Variants in RABGAP1L observed in about 807,000 individuals in gnomAD.
RABGAP1L encodes rab GTPase-activating protein 1-like.
A neutral mutation model predicts 137.7 loss-of-function variants in RABGAP1L; 63 were observed. That is an observed-to-expected ratio of 0.46 (90% confidence interval 0.37 to 0.56). The LOEUF is 0.56. RABGAP1L is among the 20% of genes least tolerant of loss of function. The probability of loss-of-function intolerance (pLI) is 0.00; values close to 1 mark genes in which losing one functional copy is unlikely to be tolerated. For missense variants in RABGAP1L, 1,095 were observed against 1,244.0 expected (o/e 0.88, Z 1.80); for synonymous variants, 431 against 433.7 (o/e 0.99, Z 0.08).
At chr1:174,604,055 G>A (rs1670603443) in intron 13 of RABGAP1L, among the ~76,000 whole-genome samples, 1 of 151,966 alleles carries the variant, frequency 6.6e-6, no homozygotes, top group Non-Finnish European at 1.5e-5. Flanking sequence ...GGCCTAGCTG[G>A]TGTCTTATAG....
intron 17 of RABGAP1L, among the ~76,000 whole-genome samples, chr1:174,738,465 G>C (rs1296215473): frequency 6.6e-6 from 1 of 152,086 alleles, no homozygotes; most frequent in East Asian, 1.9e-4. Flanking sequence ...GAAATCAGTG[G>C]TTTCTAGGGT....
intron 13 of RABGAP1L, among the ~76,000 whole-genome samples, chr1:174,612,194 G>T (rs534871144): frequency 6.6e-5 from 10 of 152,296 alleles, no homozygotes; most frequent in African/African-American, 2.4e-4. Context: ...CTGTGGGTCT[G>T]TCATAGATAG....
chr1:174,978,352 C>T (rs1223672742), intron 22 of RABGAP1L, among the ~76,000 whole-genome samples: 1 of 152,168 alleles, frequency 6.6e-6, no homozygotes, highest in East Asian at 1.9e-4. Flanking sequence ...TCCCCAAAGC[C>T]TCTTGTTTCT....
At chr1:174,409,921 T>C (rs1008589384) in intron 13 of RABGAP1L, among the ~76,000 whole-genome samples, 1 of 152,210 alleles carries the variant, frequency 6.6e-6, no homozygotes, top group Non-Finnish European at 1.5e-5. Flanking sequence ...CATAGACCCT[T>C]ATCAGGAGTT....
intron 5 of RABGAP1L, chr1:174,244,740 A>G (rs1425718406): frequency 6.6e-6 from 1 of 152,242 alleles, no homozygotes; most frequent in African/African-American, 2.4e-5. Context: ...TGTTCTTGTC[A>G]CATCTTTTTG....
intron 19 of RABGAP1L, among the ~76,000 whole-genome samples, chr1:174,873,951 G>A (rs777828405): frequency 2.0e-4 from 31 of 151,970 alleles, no homozygotes; most frequent in Non-Finnish European, 3.2e-4. Flanking sequence ...TTTTTGTTTC[G>A]GCTGTCTCTA....
intron 14 of RABGAP1L, among the ~76,000 whole-genome samples, chr1:174,664,723 C>CTGCTTTT (rs1557963963): frequency 1.8e-5 from 2 of 111,412 alleles, no homozygotes; most frequent in African/African-American, 9.1e-5. Context: ...TTCTTTCTTT[C>CTGCTTTT]TTTCTGCTTT....
chr1:174,988,849 T>C lies in RABGAP1L; in HGVS notation c.3003+11T>C. On this transcript the variant is annotated intron_variant, in intron 25 of 25. Coordinates refer to ENST00000681986, the MANE Select transcript of RABGAP1L (RefSeq NM_001366446.1). ...AAGTGTAAAATTCAGGTTGGTGATTTGATAAAAGAACAAGAAGAAAGAATA... is the reference window on the plus strand; with the variant it reads ...AAGTGTAAAATTCAGGTTGGTGATTCGATAAAAGAACAAGAAGAAAGAATA... 6.5e-7 allele frequency: 1 copy of C among 1,532,698 alleles called. No individual in the cohort carries two copies. The highest frequency in any genetic ancestry group is 8.8e-7 in the Non-Finnish European group (1 of 1,139,156). 94.9% of individuals were successfully genotyped at this position (1,532,698 alleles called of 1,614,324 possible).
At chr1:174,706,741 G>C (rs1371483561) in intron 17 of RABGAP1L, among the ~76,000 whole-genome samples, 1 of 152,122 alleles carries the variant, frequency 6.6e-6, no homozygotes, top group East Asian at 1.9e-4. Flanking sequence ...CCCTTTTCCA[G>C]TAACTACACT....
intron 11 of RABGAP1L, among the ~76,000 whole-genome samples, chr1:174,305,813 C>T (rs966397539): frequency 3.3e-5 from 5 of 151,538 alleles, no homozygotes; most frequent in East Asian, 3.9e-4. Flanking sequence ...ATGTGCACAA[C>T]GTGCAGGTTT....
Position 174,460,866 on chromosome 1 carries a change from A to AGATG in RABGAP1L, c.1710+66742_1710+66745dup, listed in dbSNP as rs1022702904. ...TAGGTAGGTAGGTGGGTAGGTAGGCAGATGGATGGATGGATGGATGGATGA... is the reference window on the plus strand; with the variant it reads ...TAGGTAGGTAGGTGGGTAGGTAGGCAGATGGATGGATGGATGGATGGATGGATGA... On this transcript the variant is annotated intron_variant, in intron 13 of 25. Coordinates refer to ENST00000681986, the MANE Select transcript of RABGAP1L (RefSeq NM_001366446.1). Among the ~76,000 whole-genome samples, 206 of 152,178 alleles carry AGATG rather than the reference A, an allele frequency of 1.4e-3. 1 individual carries two copies. The highest frequency in any genetic ancestry group is 4.7e-3 in the African/African-American group (197 of 41,560).
chr1:174,918,770 T>G (rs1661291914), intron 19 of RABGAP1L, among the ~76,000 whole-genome samples: 1 of 151,816 alleles, frequency 6.6e-6, no homozygotes, highest in Non-Finnish European at 1.5e-5. Flanking sequence ...GAGCAAGATC[T>G]TTTTTCAAAA....
chr1:174,396,587 T>C (rs987825370), intron 13 of RABGAP1L, among the ~76,000 whole-genome samples: 1 of 152,080 alleles, frequency 6.6e-6, no homozygotes, highest in Admixed American at 6.6e-5. Context: ...CTTTTTCTTG[T>C]AAATAATAAA....
At chr1:174,386,798 C>T (rs1686831098) in intron 12 of RABGAP1L, among the ~76,000 whole-genome samples, 1 of 152,106 alleles carries the variant, frequency 6.6e-6, no homozygotes, top group Admixed American at 6.6e-5. Flanking sequence ...TGAGCCACCG[C>T]ACCGGCCTAG....
At chr1:174,825,314 C>A (rs1258348743) in intron 19 of RABGAP1L, among the ~76,000 whole-genome samples, 5 of 152,164 alleles carry the variant, frequency 3.3e-5, no homozygotes, top group Non-Finnish European at 1.5e-5. Context: ...CTCATTGTGG[C>A]ACAAGTTCAA....
At chr1:174,700,243 A>G (rs1388436747) in intron 16 of RABGAP1L, among the ~76,000 whole-genome samples, 1 of 152,222 alleles carries the variant, frequency 6.6e-6, no homozygotes, top group African/African-American at 2.4e-5. Context: ...AGGCAAAGTG[A>G]TTGACCAGAG....
chr1:174,666,350 A>G (rs1250020443), intron 14 of RABGAP1L, among the ~76,000 whole-genome samples: 1 of 152,230 alleles, frequency 6.6e-6, no homozygotes, highest in Non-Finnish European at 1.5e-5. Context: ...CTGTTTAAGT[A>G]AAAAGGAGGT....
intron 1 of RABGAP1L, among the ~76,000 whole-genome samples, chr1:174,176,327 A>C (rs973743446): frequency 6.6e-6 from 1 of 152,124 alleles, no homozygotes; most frequent in Non-Finnish European, 1.5e-5. Context: ...TCTTTTATCT[A>C]TGTGTAATTT....
At chr1:174,550,891 T>C (rs771261701) in intron 13 of RABGAP1L, among the ~76,000 whole-genome samples, 24,149 of 85,976 alleles carry the variant, frequency 0.28, 3,799 homozygotes, top group African/African-American at 0.33. Flanking sequence ...TATATATATA[T>C]ATATACACAC....
Sources: allele counts gnomAD v4.1 joint callset (sites outside exome capture counted in the v4.1 genomes callset), GRCh38; gene constraint gnomAD v4.1.1; transcripts MANE v1.5; gene names NCBI Gene and HGNC (gene_info 2026-07-23, HGNC 2026-07-21).